FASN: variants seen among roughly 807,000 people sequenced by gnomAD.
The protein encoded by FASN is fatty acid synthase, also known as 3-hydroxyacyl-[acyl-carrier-protein] dehydratase.
A neutral mutation model predicts 250.0 loss-of-function variants in FASN; 50 were observed. The ratio of observed to expected loss-of-function variants is 0.20; its 90% confidence interval spans 0.16 to 0.25. The LOEUF is 0.25. Ranked by LOEUF, FASN falls within the 10% of genes least tolerant of loss-of-function variation. The pLI is 1.00. For missense variants in FASN, 3,031 were observed against 3,498.5 expected (o/e 0.87, Z 3.37); for synonymous variants, 1,909 against 1,584.0 (o/e 1.21, Z -4.87).
rs772284330 is a variant in FASN at position 82,088,763 on chromosome 17, T to C, written c.2418A>G (p.Ser806=). Residue 806 remains serine, a splice_region_variant and synonymous_variant, in exon 15 of 43, where the codon TCA becomes TCG. Transcript: ENST00000306749. ...FLAGIGRLHL[S]GIDANPNALF... ...ACCCGGGCTGGGAAGGGACCCACCCTGAGAGGTGCAGCCTGCCGATGCCGG... is the reference window on the plus strand; with the variant it reads ...ACCCGGGCTGGGAAGGGACCCACCCCGAGAGGTGCAGCCTGCCGATGCCGG... The C allele has an allele frequency of 1.2e-6, 2 of 1,611,334 alleles. No individual in the cohort carries two copies. The highest frequency in any genetic ancestry group is 3.3e-5 in the Admixed American group (2 of 60,012).
chr17:82,079,152 C>T lies in FASN; in HGVS notation c.7527G>A (p.Arg2509=), dbSNP rs777122905. Residue 2509 remains arginine (R), a synonymous_variant, in exon 43 of 43, where the codon CGG becomes CGA. Transcript: ENST00000306749. The stretch of plus-strand genomic sequence containing the variant: ...AGGCGGGGGCACGGGCCTAGCCCTC[C>T]CGCACGCTCACGCGTGGCTCAGCCA... ...SSLAEPRVSV[R]EG 5.0e-6 allele frequency: 8 copies of T among 1,611,896 alleles called. No homozygotes were observed. In the African/African-American group the frequency reaches 1.1e-4, roughly 21 times the overall value.
chr17:82,085,638 G>A lies in FASN; in HGVS notation c.3966C>T (p.Leu1322=), dbSNP rs765948097. 9.4e-6 allele frequency: 15 copies of A among 1,595,222 alleles called. No individual in the cohort carries two copies. The highest frequency in any genetic ancestry group is 9.1e-5 in the East Asian group (4 of 43,780). Reference sequence around the variant, plus strand: ...TGCTGAGAGCTGAGGCCGGGTCCCCGAGGGCAGCCACAGCACAGTTGCACA... The same window carrying A: ...TGCTGAGAGCTGAGGCCGGGTCCCCAAGGGCAGCCACAGCACAGTTGCACA... The part of the protein sequence containing the change: ...LLVCNCAVAA[L]GDPASALSNM... Residue 1322 remains leucine (L), a synonymous_variant, in exon 23 of 43, where the codon CTC becomes CTT. Coordinates refer to ENST00000306749, the MANE Select transcript of FASN (RefSeq NM_004104.5).
rs2034074657 is a variant in FASN at position 82,085,319 on chromosome 17, C to T, written c.4206G>A (p.Leu1402=). Reference sequence around the variant, plus strand: ...TGTCCTGCGGGGTGGGCCGGCGGCACAGGAAGAGCGTGGAGCCGTAGAAGG... The same window carrying T: ...TGTCCTGCGGGGTGGGCCGGCGGCATAGGAAGAGCGTGGAGCCGTAGAAGG... ...KKSFYGSTLF[L]CRRPTPQDSP... The change falls in exon 24 of 43, where the codon CTG becomes CTA. Residue 1402 remains leucine, a synonymous_variant. Transcript: ENST00000306749. 4 of 1,611,434 alleles carry T rather than the reference C, an allele frequency of 2.5e-6. No individual in the cohort carries two copies. Among genetic ancestry groups the T allele is most frequent in the Admixed American group, 1.7e-5 (1 of 59,898 alleles).
chr17:82,091,689 G>A lies in FASN; in HGVS notation c.1030-5C>T, dbSNP rs761898309. The A allele has an allele frequency of 5.6e-5, 88 of 1,566,160 alleles. No individual in the cohort carries two copies. The Middle Eastern group carries it at 6.7e-4, about 12-fold the overall frequency. On this transcript the variant is annotated splice_region_variant and splice_polypyrimidine_tract_variant and intron_variant, in intron 8 of 42. Transcript: ENST00000306749. ...GTGCTCCAGGGACAGCAGCACCTGC[G>A]GGGGTACGTGGTGGATGGGCAGCCG...
intron 27 of FASN, 58 bp from the exon 28 acceptor site, chr17:82,084,442 AGGC>A (rs2034050656): frequency 6.3e-7 from 1 of 1,585,898 alleles, no homozygotes; most frequent in Non-Finnish European, 8.6e-7. Context: ...AGGGGCTCCC[AGGC>A]AGGTCCTAGC....
rs570622420 is a variant in FASN at position 82,098,175 on chromosome 17, C to T, written c.-62G>A. ...GGCGGAGAGCGAGGCTGGAGCGCGG[C>T]GGAGCGGGAGGCTGAAGCGCGGCGG... On this transcript the variant is annotated 5_prime_UTR_variant, in exon 1 of 43. Transcript: ENST00000306749. 2.5e-5 allele frequency: 9 copies of T among 360,650 alleles called. No individual in the cohort carries two copies. The South Asian group carries it at 1.1e-3, about 42-fold the overall frequency. The allele number at this position is 360,650 out of a possible 1,614,324, so 22.3% of individuals were successfully genotyped here. A position where few individuals can be genotyped will look rare whatever the true frequency, so the allele number is the denominator to read the frequency against.
rs1025675707 is a variant in FASN at position 82,091,558 on chromosome 17, C to T, written c.1156G>A (p.Gly386Ser). The change falls in exon 9 of 43, where the codon GGC becomes AGC. Residue 386 changes from glycine to serine, a missense_variant. Transcript: ENST00000306749. ...CCAAAGGAGTTGATGCCCACGTTGC[C>T]GCCACGGACGGGCAGGGGCTGGTCC... Reference protein sequence around the residue: ...VVDQPLPVRGGNVGINSFGFG... With the variant: ...VVDQPLPVRGSNVGINSFGFG... The T allele has an allele frequency of 1.3e-6, 2 of 1,592,666 alleles. No homozygotes were observed. The highest frequency in any genetic ancestry group is 1.8e-5 in the Admixed American group (1 of 56,528).
At position 82,080,579 on chromosome 17, in the gene FASN, C is replaced by G. The variant is rs933453818; in HGVS notation, c.6838G>C (p.Asp2280His). The change falls in exon 40 of 43, where the codon GAC becomes CAC. Residue 2280 changes from aspartate (D) to histidine (H), a missense_variant. Asp to His is a moderately conservative substitution (Grantham distance 81). Transcript: ENST00000306749. Reference sequence around the variant, plus strand: ...TAGGCAGCCAGGCTGTGGATGCTGTCAAGGGGCGCAGCTGCAATGGCAGTG... The same window carrying G: ...TAGGCAGCCAGGCTGTGGATGCTGTGAAGGGGCGCAGCTGCAATGGCAGTG... Reference protein sequence around the residue: ...GLQCTRAAPLDSIHSLAAYYI... With the variant: ...GLQCTRAAPLHSIHSLAAYYI... 1 of 1,555,848 alleles carries G rather than the reference C, an allele frequency of 6.4e-7. No individual in the cohort carries two copies. Among genetic ancestry groups the G allele is most frequent in the African/African-American group, 1.4e-5 (1 of 73,530 alleles).
intron 10 of FASN, 150 bp downstream of exon 10, chr17:82,090,731 CT>C: frequency 9.2e-7 from 1 of 1,091,638 alleles, no homozygotes; most frequent in Non-Finnish European, 1.4e-6. Context: ...ACTGAGACCC[CT>C]CCTCCCCTCC....
At chr17:82,096,296 C>G in intron 2 of FASN, 23 bp downstream of exon 2, 10 of 1,610,836 alleles carry the variant, frequency 6.2e-6, no homozygotes, top group Non-Finnish European at 8.5e-6. Flanking sequence ...ACCCCAGGCA[C>G]GGGGAGCCCC....
At position 82,084,214 on chromosome 17, in the gene FASN, C is replaced by G. The variant is rs1303134248; in HGVS notation, c.4919+20G>C. On this transcript the variant is annotated intron_variant, in intron 28 of 42. Transcript: ENST00000306749. ...CCGCCATCCACGTGGGGCCCAGGCT[C>G]ACACCCTCGACACACTCACCAGTTG... is the stretch of plus-strand genomic sequence containing the variant. 1.2e-6 allele frequency: 2 copies of G among 1,610,776 alleles called. No individual in the cohort carries two copies. The highest frequency in any genetic ancestry group is 2.7e-5 in the African/African-American group (2 of 74,884).
At chr17:82,088,679 G>A in intron 15 of FASN, 82 bp downstream of exon 15, 1 of 1,518,236 alleles carries the variant, frequency 6.6e-7, no homozygotes, top group Admixed American at 1.8e-5. Context: ...GCCTGGGTCA[G>A]TGAGGGGCCC....
At position 82,087,339 on chromosome 17, in the gene FASN, T is replaced by C; in HGVS notation, c.3209A>G (p.Gln1070Arg). ...GGCGGGGCTACCTTGGGCCTTGTCC[T>C]GCAGTGTGTACAGCTTCTGCCTGTG... ...ATHRQKLYTL[Q>R]DKAQVADVVV... The change falls in exon 20 of 43, where the codon CAG (glutamine) becomes CGG (arginine). Residue 1070 changes from glutamine to arginine, a missense_variant. Transcript: ENST00000306749. The C allele has an allele frequency of 6.2e-7, 1 of 1,611,990 alleles. No individual in the cohort carries two copies.
Position 82,084,940 on chromosome 17 carries a change from A to G in FASN, c.4423T>C (p.Ser1475Pro). The change falls in exon 26 of 43, where the codon TCC (serine) becomes CCC (proline). Residue 1475 changes from serine to proline, a missense_variant. Physicochemically the swap from Ser to Pro is moderately conservative, Grantham distance 74. Coordinates refer to ENST00000306749, the MANE Select transcript of FASN (RefSeq NM_004104.5). ...GGNRLRCVLLSNLSSTSHVPE... is the reference protein window; with the variant it reads ...GGNRLRCVLLPNLSSTSHVPE... ...ACGTGGGAGGTGCTGCTGAGGTTGG[A>G]GAGCAGCACACACCTGGGGGCAGAG... The G allele has an allele frequency of 6.4e-7, 1 of 1,556,532 alleles. No individual in the cohort carries two copies. The highest frequency in any genetic ancestry group is 8.7e-7 in the Non-Finnish European group (1 of 1,150,454).
rs866088363 is a variant in FASN, at chr17:82,096,112, G to A, written c.127+207C>T. 3.9e-5 allele frequency among the ~76,000 whole-genome samples: 6 copies of A among 152,344 alleles called. No homozygotes were observed. In the Middle Eastern group the frequency reaches 0.01, roughly 259 times the overall value. ...GAGGGAACCTCCTGGCAGGCTGGGCGCATTTTCTAGGCCACTCTGGTGCAA... is the reference window on the plus strand; with the variant it reads ...GAGGGAACCTCCTGGCAGGCTGGGCACATTTTCTAGGCCACTCTGGTGCAA... On this transcript the variant is annotated intron_variant, in intron 2 of 42. Transcript: ENST00000306749.
chr17:82,097,724 C>A (rs1414908133), intron 1 of FASN, among the ~76,000 whole-genome samples: 1 of 152,090 alleles, frequency 6.6e-6, no homozygotes, highest in African/African-American at 2.4e-5. Flanking sequence ...CCCCCCCGTT[C>A]CTCCCTCGCG....
In FASN at chr17:82,079,451, G is replaced by C; in HGVS notation, c.7304C>G (p.Pro2435Arg). The C allele has an allele frequency of 6.2e-7, 1 of 1,612,974 alleles. No homozygotes were observed. The highest frequency in any genetic ancestry group is 8.5e-7 in the Non-Finnish European group (1 of 1,179,982). Residue 2435 changes from proline to arginine, a missense_variant, in exon 42 of 43, where the codon CCC becomes CGC. By Grantham distance (103) the Pro-to-Arg change is moderately radical. Transcript: ENST00000306749. The part of the protein sequence containing the change: ...YKLRAAEQYT[P>R]KAKYHGNVML... ...CACGTTGCCATGGTACTTGGCCTTG[G>C]GTGTGTACTGCTCAGCGGCACGCAG...
In FASN at chr17:82,092,985, G is replaced by A. The variant is rs1140607; in HGVS notation, c.690C>T (p.Ala230=). Residue 230 remains alanine, a synonymous_variant, in exon 6 of 43, where the codon GCC becomes GCT. Coordinates refer to ENST00000306749, the MANE Select transcript of FASN (RefSeq NM_004104.5). ...NGYCRSEGVV[A]VLLTKKSLAR... ...CCAGGGACTTCTTGGTCAGCAGGAC[G>A]GCCACCACACCCTCCGAGCGGCAGT... 23 of 1,612,136 alleles carry A rather than the reference G, an allele frequency of 1.4e-5. No homozygotes were observed. Among genetic ancestry groups the A allele is most frequent in the Admixed American group, 1.3e-4 (8 of 59,986 alleles).
At chr17:82,083,162 G>C (rs760160037) in intron 32 of FASN, 40 bp downstream of exon 32, 8 of 1,611,164 alleles carry the variant, frequency 5.0e-6, no homozygotes, top group Middle Eastern at 1.6e-4. Flanking sequence ...CTGGGGACCA[G>C]AGCCTGGGGT....
Sources: gnomAD v4.1 joint callset for allele counts (sites outside exome capture counted in the v4.1 genomes callset) on GRCh38, gnomAD v4.1.1 for gene constraint, MANE v1.5 for transcripts, NCBI Gene and HGNC (gene_info 2026-07-23, HGNC 2026-07-21) for gene names.